CADM2: variants seen among roughly 807,000 people sequenced by gnomAD.
CADM2 encodes immunoglobulin superfamily member 4D.
In CADM2, 12 loss-of-function variants were observed where a neutral mutation model predicts 49.8. The observed-to-expected ratio is 0.24, with a 90% confidence interval of 0.15 to 0.39. CADM2 has a LOEUF of 0.39. CADM2 is among the 10% of genes least tolerant of loss of function. The pLI is 1.00. For synonymous variants in CADM2, 214 were observed against 175.4 expected, an observed-to-expected ratio of 1.22 and a Z score of -1.74; for missense variants, 378 against 492.3, an observed-to-expected ratio of 0.77 and a Z score of 2.20.
At chr3:85,399,761 G>T (rs1015405677) in intron 1 of CADM2, among the ~76,000 whole-genome samples, 1 of 152,152 alleles carries the variant, frequency 6.6e-6, no homozygotes, top group African/African-American at 2.4e-5. Context: ...GTTCACTCAT[G>T]ATTTGGCTCT....
chr3:85,814,469 G>A (rs2073081949), intron 3 of CADM2, among the ~76,000 whole-genome samples: 1 of 152,006 alleles, frequency 6.6e-6, no homozygotes, highest in African/African-American at 2.4e-5. Context: ...AACTAGAGAA[G>A]CAATAGCAAA....
intron 1 of CADM2, among the ~76,000 whole-genome samples, chr3:85,658,596 A>ATATATATATATG (rs2065287646): frequency 7.2e-6 from 1 of 138,822 alleles, no homozygotes; most frequent in Admixed American, 7.2e-5. Context: ...ATATATATAT[A>ATATATATATATG]TATATATATA....
intron 1 of CADM2, among the ~76,000 whole-genome samples, chr3:85,517,172 T>C (rs1193532573): frequency 6.6e-6 from 1 of 151,948 alleles, no homozygotes; most frequent in Non-Finnish European, 1.5e-5. Flanking sequence ...TATTATTGTG[T>C]GATGGTTAGA....
At chr3:85,157,303 T>C (rs1380196022) in intron 1 of CADM2, among the ~76,000 whole-genome samples, 1 of 151,086 alleles carries the variant, frequency 6.6e-6, no homozygotes, top group Non-Finnish European at 1.5e-5. Context: ...CCCATCAAGC[T>C]ACCAATGCCT....
At chr3:84,967,857 T>G (rs564713605) in intron 1 of CADM2, among the ~76,000 whole-genome samples, 1 of 152,214 alleles carries the variant, frequency 6.6e-6, no homozygotes, top group African/African-American at 2.4e-5. Flanking sequence ...TATTGCATTT[T>G]TTTGAAAGCT....
chr3:85,627,602 A>C (rs9867437), intron 1 of CADM2, among the ~76,000 whole-genome samples: 77,719 of 151,540 alleles, frequency 0.51, 20,417 homozygotes, highest in East Asian at 0.7. Context: ...GCATATGAGA[A>C]CCCGGGGTGC....
chr3:85,053,052 C>T (rs2035945461), intron 1 of CADM2, among the ~76,000 whole-genome samples: 1 of 151,894 alleles, frequency 6.6e-6, no homozygotes, highest in African/African-American at 2.4e-5. Context: ...TTCTAGAAGA[C>T]AAATACCAGT....
In CADM2 at chr3:85,787,772, A is replaced by T. The variant is rs182074031; in HGVS notation, c.89-14275A>T. 2.5e-3 allele frequency among the ~76,000 whole-genome samples: 374 copies of T among 152,264 alleles called. 1 individual carries two copies. The highest frequency in any genetic ancestry group is 8.7e-3 in the African/African-American group (363 of 41,578). The stretch of plus-strand genomic sequence containing the variant: ...CTTTCAATGTCTTGCCGTTGTGTGT[A>T]GAATAAGTGTAAGCTCCTTATTATA... On this transcript the variant is annotated intron_variant, in intron 2 of 9. Transcript: ENST00000383699.
intron 1 of CADM2, among the ~76,000 whole-genome samples, chr3:85,155,492 G>A (rs2040078711): frequency 6.6e-6 from 1 of 152,016 alleles, no homozygotes; most frequent in South Asian, 2.1e-4. Context: ...TTAATAATGG[G>A]AGACTTTAAC....
At chr3:85,699,636 A>T (rs1298049478) in intron 1 of CADM2, among the ~76,000 whole-genome samples, 2 of 152,216 alleles carry the variant, frequency 1.3e-5, no homozygotes, top group African/African-American at 4.8e-5. Flanking sequence ...AGCAGCTGGG[A>T]TGCAGGGAGC....
At chr3:85,985,592 A>T (rs73843563) in intron 8 of CADM2, among the ~76,000 whole-genome samples, 2,220 of 152,174 alleles carry the variant, frequency 0.015, 50 homozygotes, top group African/African-American at 0.051. Flanking sequence ...TTATAGACCC[A>T]TAATTTTTAG....
chr3:85,955,106 G>A (rs192504073), intron 7 of CADM2, among the ~76,000 whole-genome samples: 275 of 151,462 alleles, frequency 1.8e-3, no homozygotes, highest in African/African-American at 5.8e-3. Flanking sequence ...CTTAAAGGAA[G>A]TATAAGATAT....
intron 7 of CADM2, among the ~76,000 whole-genome samples, chr3:85,949,577 T>C (rs755146435): frequency 6.6e-6 from 1 of 151,252 alleles, no homozygotes; most frequent in African/African-American, 2.4e-5. Flanking sequence ...TTGAGAATGA[T>C]TACATCTAAA....
chr3:85,344,464 A>C (rs755100509), intron 1 of CADM2, among the ~76,000 whole-genome samples: 1 of 151,766 alleles, frequency 6.6e-6, no homozygotes, highest in Admixed American at 6.6e-5. Flanking sequence ...AGAGAGCATT[A>C]TTTATTTTTA....
At chr3:85,368,093 T>C (rs1234287264) in intron 1 of CADM2, among the ~76,000 whole-genome samples, 2 of 152,090 alleles carry the variant, frequency 1.3e-5, no homozygotes, top group Non-Finnish European at 2.9e-5. Context: ...TTAGCAAAGA[T>C]ATCTTTCCAA....
chr3:86,036,313 TTTAACCA>T (rs1383695794), intron 8 of CADM2, among the ~76,000 whole-genome samples: 1 of 152,184 alleles, frequency 6.6e-6, no homozygotes, highest in Non-Finnish European at 1.5e-5. Flanking sequence ...AGTTAATGCC[TTTAACCA>T]TTCAGTATTA....
At chr3:85,046,497 T>G (rs568234308) in intron 1 of CADM2, among the ~76,000 whole-genome samples, 39 of 152,090 alleles carry the variant, frequency 2.6e-4, no homozygotes, top group African/African-American at 8.7e-4. Flanking sequence ...TTGCCAATAC[T>G]AAGTTATAAT....
intron 8 of CADM2, among the ~76,000 whole-genome samples, chr3:86,026,839 AAT>A (rs1252528143): frequency 1.3e-5 from 2 of 152,214 alleles, no homozygotes. Context: ...ATACTTCATG[AAT>A]TGGTGTAGAC....
chr3:85,589,008 C>A (rs2063023852), intron 1 of CADM2, among the ~76,000 whole-genome samples: 1 of 151,888 alleles, frequency 6.6e-6, no homozygotes. Context: ...ATATAAGCAC[C>A]ACAGGGAAGG....
Sources: allele counts gnomAD v4.1 joint callset (sites outside exome capture counted in the v4.1 genomes callset), GRCh38; gene constraint gnomAD v4.1.1; transcripts MANE v1.5; gene names NCBI Gene and HGNC (gene_info 2026-07-23, HGNC 2026-07-21).